TENM2: variants seen among roughly 807,000 people sequenced by gnomAD.
TENM2 encodes teneurin transmembrane protein 2, also known as teneurin-2.
Under a neutral mutation model 245.2 loss-of-function variants are expected in TENM2, and 52 were observed. The ratio of observed to expected loss-of-function variants is 0.21; its 90% CI spans 0.17 to 0.27. TENM2 has a LOEUF of 0.27. TENM2 is among the 10% of genes least tolerant of loss of function. TENM2 has a pLI of 1.00. For synonymous variants in TENM2, 1,363 were observed against 1,438.9 expected, an observed-to-expected ratio of 0.95 and a Z score of 1.19; for missense variants, 3,046 against 3,666.8, an observed-to-expected ratio of 0.83 and a Z score of 4.37.
intron 2 of TENM2, among the ~76,000 whole-genome samples, chr5:167,521,988 A>C (rs1770785357): frequency 6.6e-6 from 1 of 152,166 alleles, no homozygotes; most frequent in South Asian, 2.1e-4. Flanking sequence ...TATAAAGCAC[A>C]ATTATATTTT....
intron 6 of TENM2, among the ~76,000 whole-genome samples, chr5:168,052,531 G>T (rs983093149): frequency 6.6e-6 from 1 of 151,972 alleles, no homozygotes; most frequent in East Asian, 1.9e-4. Flanking sequence ...AGAATATGAA[G>T]ATAGACAATA....
intron 1 of TENM2, among the ~76,000 whole-genome samples, chr5:167,310,829 G>A (rs759398927): frequency 5.9e-5 from 9 of 152,090 alleles, no homozygotes; most frequent in Non-Finnish European, 1.3e-4. Flanking sequence ...AATTGATGAC[G>A]TTAATAAAAA....
intron 7 of TENM2, among the ~76,000 whole-genome samples, chr5:168,087,608 C>CA (rs111574327): frequency 0.026 from 2,872 of 111,688 alleles, 52 homozygotes; most frequent in African/African-American, 0.074. Context: ...GACTCCATCT[C>CA]AAAAAAAAAA....
At chr5:167,263,418 G>C in the TENM2 span, among the ~76,000 whole-genome samples, 1 of 152,252 alleles carries the variant, frequency 6.6e-6, no homozygotes, top group Middle Eastern at 3.4e-3. Context: ...CAGAAACCCT[G>C]CTCCTTCCAC....
intron 24 of TENM2, among the ~76,000 whole-genome samples, chr5:168,227,516 C>CT (rs56834297): frequency 4.3e-3 from 555 of 130,570 alleles, no homozygotes; most frequent in East Asian, 8.5e-3. Flanking sequence ...ATTTGCCTTT[C>CT]TTTTTTTTTT....
chr5:168,243,464 T>C (rs1766282662), intron 25 of TENM2, among the ~76,000 whole-genome samples: 1 of 152,224 alleles, frequency 6.6e-6, no homozygotes, highest in African/African-American at 2.4e-5. Flanking sequence ...TTTCTCTAGA[T>C]ATTAGAAGGA....
intron 2 of TENM2, among the ~76,000 whole-genome samples, chr5:167,754,728 CAA>C (rs10663941): frequency 6.9e-6 from 1 of 145,166 alleles, no homozygotes; most frequent in African/African-American, 2.5e-5. Context: ...AGAGATATTT[CAA>C]AAAAAAAAAA....
intron 2 of TENM2, among the ~76,000 whole-genome samples, chr5:167,449,395 G>A (rs886990881): frequency 2.6e-5 from 4 of 152,110 alleles, no homozygotes; most frequent in Admixed American, 6.5e-5. Flanking sequence ...TCCCATGTGC[G>A]GTGGCTCCAG....
At chr5:167,036,635 C>T in the TENM2 span, among the ~76,000 whole-genome samples, 3 of 152,170 alleles carry the variant, frequency 2.0e-5, no homozygotes, top group East Asian at 1.9e-4. Context: ...AGAATTGAGA[C>T]GTCCTTTCAT....
intron 2 of TENM2, among the ~76,000 whole-genome samples, chr5:167,509,575 A>G (rs570752325): frequency 3.1e-4 from 47 of 152,292 alleles, no homozygotes; most frequent in African/African-American, 1.1e-3. Context: ...ATTTGTACCA[A>G]TGACACACTC....
exon 17 of TENM2, chr5:168,200,028 C>T (rs754216385): frequency 6.2e-7 from 1 of 1,614,004 alleles, no homozygotes; most frequent in Non-Finnish European, 8.5e-7. Flanking sequence ...AGGGGCATCT[C>T]TTCCAGAAGT....
rs1461382034 is a variant in TENM2 at position 167,889,844 on chromosome 5, G to GAATATAAACT, written c.712+13649_712+13650insAATATAAACT. 2.0e-3 allele frequency among the ~76,000 whole-genome samples: 297 copies of GAATATAAACT among 152,190 alleles called. 1 individual carries two copies. In the Middle Eastern group the frequency reaches 0.02, roughly 10 times the overall value. The stretch of plus-strand genomic sequence containing the variant: ...TGCCTTCTCGTGAAGACTAAAAACT[G>GAATATAAACT]GTTAGAATATAAAAGATGGAGGATC... On this transcript the variant is annotated intron_variant, in intron 3 of 28. Transcript: ENST00000518659.
chr5:167,061,863 G>A, the TENM2 span, among the ~76,000 whole-genome samples: 1 of 151,022 alleles, frequency 6.6e-6, no homozygotes, highest in African/African-American at 2.4e-5. Context: ...TAGAAGCAGA[G>A]TGTATCATTA....
chr5:167,444,298 T>TACACACACACAC (rs140953889), intron 2 of TENM2, among the ~76,000 whole-genome samples: 1,729 of 150,486 alleles, frequency 0.011, 8 homozygotes, highest in South Asian at 0.014. Context: ...CACATACACA[T>TACACACACACAC]ACACACACAC....
At chr5:168,233,972 A>C (rs1200159408) in intron 25 of TENM2, among the ~76,000 whole-genome samples, 1 of 152,080 alleles carries the variant, frequency 6.6e-6, no homozygotes, top group Admixed American at 6.5e-5. Flanking sequence ...CTCCCAACAC[A>C]TGGGAATTCT....
At chr5:168,154,010 G>GCT (rs1756888199) in intron 12 of TENM2, among the ~76,000 whole-genome samples, 1 of 152,064 alleles carries the variant, frequency 6.6e-6, no homozygotes, top group Admixed American at 6.6e-5. Flanking sequence ...CACAGGCCAG[G>GCT]CTGGACTCCA....
the TENM2 span, among the ~76,000 whole-genome samples, chr5:167,181,154 G>T: frequency 5.9e-5 from 9 of 152,068 alleles, no homozygotes; most frequent in African/African-American, 7.2e-5. Flanking sequence ...TTTCCTAAAA[G>T]ATTTTGTAGA....
intron 2 of TENM2, among the ~76,000 whole-genome samples, chr5:167,474,868 A>G (rs1478260039): frequency 1.3e-5 from 2 of 152,196 alleles, no homozygotes; most frequent in African/African-American, 2.4e-5. Flanking sequence ...AAGATGTATA[A>G]ATCCAGGACA....
chr5:167,906,134 C>T (rs764610212), intron 3 of TENM2, among the ~76,000 whole-genome samples: 1 of 152,130 alleles, frequency 6.6e-6, no homozygotes, highest in Non-Finnish European at 1.5e-5. Flanking sequence ...AGATTTCCCA[C>T]TGAACCTGTC....
Sources: gnomAD v4.1 joint callset for allele counts (sites outside exome capture counted in the v4.1 genomes callset) on GRCh38, gnomAD v4.1.1 for gene constraint, MANE v1.5 for transcripts, NCBI Gene and HGNC (gene_info 2026-07-23, HGNC 2026-07-21) for gene names.